Variants in ENTPD1 observed in about 807,000 individuals in gnomAD.
ENTPD1 encodes the protein ectonucleoside triphosphate diphosphohydrolase 1.
In ENTPD1, 33 loss-of-function variants were observed where a neutral mutation model predicts 57.0. The observed-to-expected ratio is 0.58, with a 90% CI of 0.44 to 0.77. ENTPD1 has a LOEUF of 0.77. ENTPD1 is among the 30% of genes least tolerant of loss of function. The pLI is 0.00. For missense variants in ENTPD1, 501 were observed against 603.4 expected, an observed-to-expected ratio of 0.83 and a Z score of 1.78; for synonymous variants, 202 against 218.8, an observed-to-expected ratio of 0.92 and a Z score of 0.68.
At chr10:95,856,542 A>C (rs549492503) in intron 7 of ENTPD1, among the ~76,000 whole-genome samples, 4 of 152,190 alleles carry the variant, frequency 2.6e-5, no homozygotes, top group African/African-American at 9.6e-5. Context: ...ACACTTGCAC[A>C]CACATGTTCA....
intron 1 of ENTPD1, among the ~76,000 whole-genome samples, chr10:95,778,613 A>G (rs1312281455): frequency 6.6e-6 from 1 of 152,192 alleles, no homozygotes; most frequent in Non-Finnish European, 1.5e-5. Flanking sequence ...CTTATCTTTT[A>G]ACCTTTTTGT....
At chr10:95,838,782 C>T (rs2098416429) in intron 2 of ENTPD1, among the ~76,000 whole-genome samples, 1 of 152,174 alleles carries the variant, frequency 6.6e-6, no homozygotes, top group Non-Finnish European at 1.5e-5. Flanking sequence ...AGCTACCCCT[C>T]ATTTAATGTC....
In ENTPD1 at chr10:95,876,210, A is replaced by T. The variant is rs1452861032; in HGVS notation, c.*9827A>T. ...CTTAGGTATATTTATAAATACTCCT[A>T]TAAAAATGTAAAGAAACACATAATG... is the stretch of plus-strand genomic sequence containing the variant. On this transcript the variant is annotated 3_prime_UTR_variant, in exon 10 of 10. Transcript: ENST00000371205. The T allele has an allele frequency of 1.4e-5, 14 of 979,154 alleles. No homozygotes were observed. The East Asian group carries it at 1.6e-3, about 111-fold the overall frequency. The allele number at this position is 979,154 out of a possible 1,614,324, so 60.7% of individuals were successfully genotyped here.
chr10:95,794,815 C>A (rs1437103634), intron 1 of ENTPD1, among the ~76,000 whole-genome samples: 1 of 151,988 alleles, frequency 6.6e-6, no homozygotes, highest in East Asian at 1.9e-4. Context: ...AGGGAATGTT[C>A]TAGGCAGAGT....
chr10:95,733,351 T>A (rs2097991290), intron 1 of ENTPD1, among the ~76,000 whole-genome samples: 1 of 152,236 alleles, frequency 6.6e-6, no homozygotes, highest in Admixed American at 6.5e-5. Context: ...GTGCCCAGAT[T>A]TCATATTGTT....
chr10:95,756,195 G>GA lies in ENTPD1; in HGVS notation c.-45_-44insA, dbSNP rs1566107613. ...CGGACCACAGCAAGCAGAGGCTGGG[G>GA]GGGGGAAAGACGAGGAAAGAGGAGG... On this transcript the variant is annotated 5_prime_UTR_variant, in exon 1 of 10. Transcript: ENST00000371205. The GA allele has an allele frequency of 6.3e-7, 1 of 1,580,722 alleles. No homozygotes were observed. The highest frequency in any genetic ancestry group is 1.8e-5 in the Admixed American group (1 of 55,432).
intron 1 of ENTPD1, among the ~76,000 whole-genome samples, chr10:95,787,527 T>C (rs905135324): frequency 3.3e-5 from 5 of 152,082 alleles, no homozygotes; most frequent in East Asian, 1.9e-4. Context: ...GGTGAGAGAA[T>C]ACAAAGGAGA....
chr10:95,702,807 G>A, the ENTPD1 span, among the ~76,000 whole-genome samples: 4 of 152,142 alleles, frequency 2.6e-5, no homozygotes, highest in Admixed American at 2.6e-4. Flanking sequence ...TCTTGAAACA[G>A]AGTCTCACTC....
rs554074002 is a variant in ENTPD1, at chr10:95,746,447, A to C, written c.37+34454A>C. ...TTCTTAATGCTCTGGCAGCACTCTA[A>C]AATCATCTTGGCCTTTAAAAAAAAA... On this transcript the variant is annotated intron_variant, in intron 1 of 9. Coordinates refer to the ENTPD1 transcript ENST00000453258. 3.9e-5 allele frequency among the ~76,000 whole-genome samples: 6 copies of C among 152,302 alleles called. 1 individual carries two copies. In the South Asian group the frequency reaches 1.2e-3, roughly 32 times the overall value.
intron 1 of ENTPD1, among the ~76,000 whole-genome samples, chr10:95,807,696 C>T (rs992521502): frequency 1.3e-5 from 2 of 152,190 alleles, no homozygotes; most frequent in Non-Finnish European, 2.9e-5. Flanking sequence ...CCTTGGAGAG[C>T]TCTTCCTGCT....
At chr10:95,752,947 A>G (rs2098014474), upstream of ENTPD1, among the ~76,000 whole-genome samples, 1 of 152,210 alleles carries the variant, frequency 6.6e-6, no homozygotes, top group Non-Finnish European at 1.5e-5. Flanking sequence ...CCATTAAACA[A>G]CAGAATTTGT....
intron 7 of ENTPD1, among the ~76,000 whole-genome samples, chr10:95,853,844 T>C (rs2098449713): frequency 2.0e-5 from 3 of 152,238 alleles, no homozygotes; most frequent in Non-Finnish European, 2.9e-5. Context: ...CAGTATTTTA[T>C]TGAGGATTTT....
chr10:95,770,739 C>G (rs1445402543), intron 1 of ENTPD1, among the ~76,000 whole-genome samples: 1 of 152,144 alleles, frequency 6.6e-6, no homozygotes, highest in African/African-American at 2.4e-5. Context: ...GTTTGCAAAA[C>G]TAATGGAGGA....
intron 7 of ENTPD1, 136 bp from the exon 8 acceptor site, chr10:95,860,333 C>T: frequency 4.4e-6 from 3 of 684,744 alleles, no homozygotes; most frequent in Non-Finnish European, 7.7e-6. Context: ...AGCTCTTGGG[C>T]CTGCAATATC....
At chr10:95,711,920 A>G (rs1270912510) in exon 1 of ENTPD1, 2 of 1,612,334 alleles carry the variant, frequency 1.2e-6, no homozygotes, top group Non-Finnish European at 1.7e-6. Context: ...TGCTGTGAAC[A>G]GGATACCAAA....
chr10:95,711,149 T>C (rs750318000), upstream of ENTPD1, among the ~76,000 whole-genome samples: 1 of 152,158 alleles, frequency 6.6e-6, no homozygotes, highest in Non-Finnish European at 1.5e-5. Flanking sequence ...AATATCACTT[T>C]AACTTTCTCT....
At chr10:95,732,365 G>A (rs1264917809) in intron 1 of ENTPD1, among the ~76,000 whole-genome samples, 3 of 152,226 alleles carry the variant, frequency 2.0e-5, no homozygotes, top group Middle Eastern at 3.4e-3. Flanking sequence ...AACCATGTAC[G>A]TCTTAGTTAC....
rs1266307947 is a variant in ENTPD1 at position 95,873,611 on chromosome 10, T to C, written c.*7228T>C. ...TAGCTGGTTTCTTATTACTCCTGTCTATGGATGTTTCCTTCTGTCACTCTA... is the reference window on the plus strand; with the variant it reads ...TAGCTGGTTTCTTATTACTCCTGTCCATGGATGTTTCCTTCTGTCACTCTA... On this transcript the variant is annotated 3_prime_UTR_variant, in exon 10 of 10. Coordinates refer to ENST00000371205, the MANE Select transcript of ENTPD1 (RefSeq NM_001776.6). 6 of 985,360 alleles carry C rather than the reference T, an allele frequency of 6.1e-6. No homozygotes were observed. Among genetic ancestry groups the C allele is most frequent in the Non-Finnish European group, 7.2e-6 (6 of 829,952 alleles). The allele number at this position is 985,360 out of a possible 1,614,324, so 61.0% of individuals were successfully genotyped here.
At chr10:95,822,400 G>A (rs575578703) in intron 1 of ENTPD1, among the ~76,000 whole-genome samples, 10 of 152,116 alleles carry the variant, frequency 6.6e-5, no homozygotes, top group African/African-American at 1.7e-4. Context: ...GGGTTCAAGC[G>A]ATTCTCCTGC....
Sources: allele counts gnomAD v4.1 joint callset (sites outside exome capture counted in the v4.1 genomes callset), GRCh38; gene constraint gnomAD v4.1.1; transcripts MANE v1.5; gene names NCBI Gene and HGNC (gene_info 2026-07-23, HGNC 2026-07-21).